DPH6: variants seen among roughly 807,000 people sequenced by gnomAD.
DPH6 encodes the protein diphthamine biosynthesis 6.
In DPH6, 33 loss-of-function variants were observed where a neutral mutation model predicts 38.2. That is an observed-to-expected ratio of 0.86 (90% CI 0.65 to 1.15). DPH6 has a LOEUF of 1.15. Ranked by LOEUF, DPH6 falls within the 50% of genes most tolerant of loss-of-function variation. DPH6 has a pLI of 0.00. For synonymous variants in DPH6, 108 were observed against 103.0 expected, an observed-to-expected ratio of 1.05 and a Z score of -0.30; for missense variants, 325 against 320.0, an observed-to-expected ratio of 1.02 and a Z score of -0.12.
chr15:35,431,995 A>C (rs1000850708), intron 5 of DPH6, among the ~76,000 whole-genome samples: 1 of 152,126 alleles, frequency 6.6e-6, no homozygotes, highest in Non-Finnish European at 1.5e-5. Context: ...ATCAATACTT[A>C]CTATGACTCA....
downstream of DPH6, among the ~76,000 whole-genome samples, chr15:35,370,506 C>T (rs774597334): frequency 2.0e-5 from 3 of 151,468 alleles, no homozygotes; most frequent in African/African-American, 7.3e-5. Flanking sequence ...GACAAAAACC[C>T]CAATTAAAAA....
At chr15:35,504,175 A>T (rs571134307) in intron 3 of DPH6, among the ~76,000 whole-genome samples, 6 of 152,016 alleles carry the variant, frequency 3.9e-5, no homozygotes, top group Admixed American at 3.9e-4. Context: ...AAAACTCCCC[A>T]TTACTTACAG....
intron 3 of DPH6, among the ~76,000 whole-genome samples, chr15:35,262,142 A>G (rs1364253514): frequency 6.6e-6 from 1 of 152,144 alleles, no homozygotes; most frequent in Non-Finnish European, 1.5e-5. Context: ...CTATGAGTCT[A>G]TTACTTTATA....
the DPH6 span, among the ~76,000 whole-genome samples, chr15:35,176,852 T>A: frequency 6.6e-6 from 1 of 152,328 alleles, no homozygotes; most frequent in East Asian, 1.9e-4. Flanking sequence ...TTAACTACCA[T>A]AATAACAGTC....
the DPH6 span, among the ~76,000 whole-genome samples, chr15:35,191,912 C>T: frequency 2.0e-4 from 31 of 152,270 alleles, 1 homozygote; most frequent in African/African-American, 6.7e-4. Context: ...CAATTTTATT[C>T]GGTTGAGAGT....
chr15:35,246,790 T>C (rs1308667293), intron 3 of DPH6, among the ~76,000 whole-genome samples: 3 of 152,172 alleles, frequency 2.0e-5, no homozygotes, highest in African/African-American at 7.2e-5. Flanking sequence ...AACGAGGTGA[T>C]AACAAGGAGA....
At chr15:35,361,000 C>G (rs59462431) in intron 3 of DPH6, among the ~76,000 whole-genome samples, 1 of 152,102 alleles carries the variant, frequency 6.6e-6, no homozygotes, top group African/African-American at 2.4e-5. Context: ...GATCCACAGC[C>G]GGGACTAAGT....
chr15:35,202,224 C>A, the DPH6 span, among the ~76,000 whole-genome samples: 1 of 151,638 alleles, frequency 6.6e-6, no homozygotes, highest in Non-Finnish European at 1.5e-5. Context: ...GTGGCTGTTT[C>A]CTAGGCACGT....
intron 3 of DPH6, among the ~76,000 whole-genome samples, chr15:35,467,352 G>T (rs187045888): frequency 6.6e-6 from 1 of 152,302 alleles, no homozygotes; most frequent in East Asian, 1.9e-4. Flanking sequence ...ATCACTTGAG[G>T]TCAGGAGTTT....
At chr15:35,151,180 T>C in the DPH6 span, among the ~76,000 whole-genome samples, 5 of 152,220 alleles carry the variant, frequency 3.3e-5, no homozygotes, top group African/African-American at 7.2e-5. Flanking sequence ...CATGTTAGGA[T>C]TAATTTTAGC....
intron 3 of DPH6, among the ~76,000 whole-genome samples, chr15:35,236,414 A>G (rs1169117325): frequency 6.6e-6 from 1 of 152,088 alleles, no homozygotes; most frequent in African/African-American, 2.4e-5. Context: ...TGAGGCAGGC[A>G]GATCACGAGG....
chr15:35,461,666 G>A (rs981171991), intron 3 of DPH6, among the ~76,000 whole-genome samples: 1 of 151,862 alleles, frequency 6.6e-6, no homozygotes, highest in African/African-American at 2.4e-5. Flanking sequence ...ATGATACCCT[G>A]GAGAGTGGGA....
chr15:35,298,663 G>T, intron 3 of DPH6: 2 of 1,370,090 alleles, frequency 1.5e-6, no homozygotes, highest in Non-Finnish European at 2.1e-6. Flanking sequence ...CCGAAAAGGC[G>T]GTGCTCAGCC....
At chr15:35,538,242 A>T (rs777260872) in intron 3 of DPH6, 32 bp downstream of exon 3, 1 of 1,411,184 alleles carries the variant, frequency 7.1e-7, no homozygotes, top group East Asian at 2.5e-5. Flanking sequence ...TACACACTAA[A>T]TCCAATATAC....
chr15:35,417,683 C>T (rs1445458920), intron 5 of DPH6, among the ~76,000 whole-genome samples: 1 of 151,992 alleles, frequency 6.6e-6, no homozygotes, highest in Non-Finnish European at 1.5e-5. Context: ...CCTATAAAAT[C>T]ATTTTAAAGT....
At chr15:35,475,748 A>G (rs2079579834) in intron 3 of DPH6, among the ~76,000 whole-genome samples, 2 of 151,800 alleles carry the variant, frequency 1.3e-5, no homozygotes, top group South Asian at 4.1e-4. Flanking sequence ...CCAGAAAGTA[A>G]TGTTAAAAAG....
In DPH6 at chr15:35,298,350, G is replaced by A. The variant is rs1226141381; in HGVS notation, n.200+75171C>T. 18 of 648,342 alleles carry A rather than the reference G, an allele frequency of 2.8e-5. 1 individual carries two copies. The highest frequency in any genetic ancestry group is 2.4e-4 in the Admixed American group (13 of 54,914). The allele number at this position is 648,342 out of a possible 1,614,324, so 40.2% of individuals were successfully genotyped here. A position where few individuals can be genotyped will look rare whatever the true frequency, so the allele number is the denominator to read the frequency against. Reference sequence around the variant, plus strand: ...ATACCTCCCATTCGAGTCAATAACCGCTTGAATTGCTGATTTAACTCTCTC... The same window carrying A: ...ATACCTCCCATTCGAGTCAATAACCACTTGAATTGCTGATTTAACTCTCTC... On this transcript the variant is annotated intron_variant and non_coding_transcript_variant, in intron 3 of 3. Transcript: ENST00000560386.
intron 3 of DPH6, among the ~76,000 whole-genome samples, chr15:35,339,062 T>G (rs142697452): frequency 0.032 from 4,847 of 152,088 alleles, 240 homozygotes; most frequent in African/African-American, 0.11. Context: ...GGGGATAGCA[T>G]TAGGAGATAC....
At position 35,265,800 on chromosome 15, in the gene DPH6, TAAAA is replaced by T. The variant is rs575759475; in HGVS notation, n.201-45222_201-45219del. On this transcript the variant is annotated intron_variant and non_coding_transcript_variant, in intron 3 of 3. Coordinates refer to the DPH6 transcript ENST00000560386. The stretch of plus-strand genomic sequence containing the variant: ...TGTTTTAAAAAGTAAATTGACAAGT[TAAAA>T]AAAGTCTTTCTTTTATATCGCTGTC... 3.9e-5 allele frequency among the ~76,000 whole-genome samples: 6 copies of T among 152,242 alleles called. No homozygotes were observed. In the East Asian group the frequency reaches 1.2e-3, roughly 29 times the overall value.
Sources: allele counts gnomAD v4.1 joint callset (sites outside exome capture counted in the v4.1 genomes callset), GRCh38; gene constraint gnomAD v4.1.1; transcripts MANE v1.5; gene names NCBI Gene and HGNC (gene_info 2026-07-23, HGNC 2026-07-21).